The following KAT6B variants were observed in gnomAD, a reference collection of about 807,000 sequenced individuals.
KAT6B encodes histone acetyltransferase KAT6B.
KAT6B carries 10 observed loss-of-function variants against 187.5 expected under a neutral mutation model. That is an observed-to-expected ratio of 0.05 (90% confidence interval 0.03 to 0.09). The LOEUF (loss-of-function observed/expected upper bound fraction) is 0.09, where lower values mean the gene tolerates loss of function less well. Among genes scored for constraint, KAT6B ranks in the 10% least tolerant of loss-of-function variants. The pLI, the probability that KAT6B is intolerant of heterozygous loss-of-function variation, is 1.00. For missense variants in KAT6B, 1,952 were observed against 2,558.9 expected, an observed-to-expected ratio of 0.76 and a Z score of 5.12; for synonymous variants, 861 against 926.8, an observed-to-expected ratio of 0.93 and a Z score of 1.29.
chr10:75,025,056 T>A lies in KAT6B; in HGVS notation c.3471T>A (p.Asn1157Lys). 1.2e-6 allele frequency: 2 copies of A among 1,614,220 alleles called. No individual in the cohort carries two copies. Among genetic ancestry groups the A allele is most frequent in the Non-Finnish European group, 1.7e-6 (2 of 1,180,042 alleles). ...TTTCAGAGACGACAGAAGTACTGAATGAGCCCTTTGACAACTCAGATGAAG... is the reference window on the plus strand; with the variant it reads ...TTTCAGAGACGACAGAAGTACTGAAAGAGCCCTTTGACAACTCAGATGAAG... ...ETISETTEVL[N>K]EPFDNSDEER... is the part of the protein sequence containing the mutation. The change falls in exon 17 of 18, where the codon AAT (asparagine) becomes AAA (lysine). Residue 1157 changes from asparagine (N) to lysine (K), a missense_variant. Around this residue, in one of 9 missense-constraint regions of KAT6B, gnomAD observed 758 missense variants for 891.4 expected, o/e 0.85. Coordinates refer to ENST00000287239, the MANE Select transcript of KAT6B (RefSeq NM_012330.4).
At chr10:74,885,834 C>T (rs183160964) in intron 3 of KAT6B, among the ~76,000 whole-genome samples, 179 of 151,536 alleles carry the variant, frequency 1.2e-3, no homozygotes, top group African/African-American at 3.6e-3. Flanking sequence ...CAGGTTCAAG[C>T]GATTCTACTG....
chr10:75,017,621 A>G (rs1589815998), intron 13 of KAT6B, among the ~76,000 whole-genome samples: 6 of 152,316 alleles, frequency 3.9e-5, no homozygotes, highest in Admixed American at 3.3e-4. Flanking sequence ...CTCAAAAAAA[A>G]AAAGTACAAA....
Position 74,959,103 on chromosome 10 carries a change from T to G in KAT6B, c.622-867T>G, listed in dbSNP as rs550950926. On this transcript the variant is annotated intron_variant, in intron 3 of 17. Coordinates refer to ENST00000287239, the MANE Select transcript of KAT6B (RefSeq NM_012330.4). ...AATGTCAGAGATTCAAGGTTTATCTTTTTTGTTTGGTATGGTGTGGTTTAC... is the reference window on the plus strand; with the variant it reads ...AATGTCAGAGATTCAAGGTTTATCTGTTTTGTTTGGTATGGTGTGGTTTAC... Among the ~76,000 whole-genome samples the G allele has an allele frequency of 2.0e-5, 3 of 152,064 alleles. No homozygotes were observed. The South Asian group carries it at 6.2e-4, about 32-fold the overall frequency.
chr10:74,825,713 C>T, upstream of KAT6B: 1 of 153,310 alleles, frequency 6.5e-6, no homozygotes, highest in Non-Finnish European at 1.5e-5. The surrounding 1 kb of genome is among the most constrained non-coding windows in gnomAD (Gnocchi z 5.0). Flanking sequence ...CAGCGGCGAG[C>T]GGTGCACGTG....
intron 3 of KAT6B, among the ~76,000 whole-genome samples, chr10:74,879,491 A>G (rs746580687): frequency 6.6e-6 from 1 of 152,178 alleles, no homozygotes; most frequent in African/African-American, 2.4e-5. Context: ...TCAGGGGAGG[A>G]TACTGGAAGA....
rs201593647 is a variant in KAT6B at position 74,866,027 on chromosome 10, T to C, written c.621+22549T>C. ...ACATACAGAGGGCTGATTTTTTGTCTCTGTGGGTTCTTCAGGGCCAGCTGC... is the reference window on the plus strand; with the variant it reads ...ACATACAGAGGGCTGATTTTTTGTCCCTGTGGGTTCTTCAGGGCCAGCTGC... On this transcript the variant is annotated intron_variant, in intron 3 of 17. Coordinates refer to ENST00000287239, the MANE Select transcript of KAT6B (RefSeq NM_012330.4). Among the ~76,000 whole-genome samples the C allele has an allele frequency of 5.3e-5, 8 of 152,152 alleles. No individual in the cohort carries two copies. In the East Asian group the frequency reaches 1.5e-3, roughly 29 times the overall value.
At chr10:74,865,991 G>A (rs1447941980) in intron 3 of KAT6B, among the ~76,000 whole-genome samples, 1 of 152,048 alleles carries the variant, frequency 6.6e-6, no homozygotes, top group Non-Finnish European at 1.5e-5. Flanking sequence ...ATTCATGGAT[G>A]CAAAATGCAC....
At chr10:74,992,366 A>T (rs139498255) in intron 13 of KAT6B, among the ~76,000 whole-genome samples, 1 of 152,240 alleles carries the variant, frequency 6.6e-6, no homozygotes, top group Non-Finnish European at 1.5e-5. Context: ...TGAAAATATC[A>T]TAAATTAAAA....
intron 1 of KAT6B, among the ~76,000 whole-genome samples, chr10:74,835,475 A>G (rs182085390): frequency 2.4e-4 from 36 of 152,336 alleles, no homozygotes; most frequent in Middle Eastern, 3.4e-3. Context: ...AGGTGCTGCA[A>G]TGGCCCAAAG....
At chr10:74,838,338 A>G (rs1309239428) in intron 1 of KAT6B, among the ~76,000 whole-genome samples, 1 of 152,092 alleles carries the variant, frequency 6.6e-6, no homozygotes, top group Non-Finnish European at 1.5e-5. Flanking sequence ...CTGTTTGGCT[A>G]TTTGAGTAGT....
chr10:75,014,796 G>C (rs991183147), intron 13 of KAT6B, among the ~76,000 whole-genome samples: 6 of 152,158 alleles, frequency 3.9e-5, no homozygotes, highest in Non-Finnish European at 8.8e-5. Flanking sequence ...TGCACGAAGC[G>C]ATTTGGCAAC....
chr10:74,830,731 CAT>C (rs1198969374), intron 1 of KAT6B, among the ~76,000 whole-genome samples: 375 of 17,204 alleles, frequency 0.022, 6 homozygotes, highest in Non-Finnish European at 0.025. Flanking sequence ...CACAGCTCTT[CAT>C]ATATATATAT....
At chr10:74,980,326 A>G (rs1842428789) in intron 10 of KAT6B, among the ~76,000 whole-genome samples, 1 of 152,232 alleles carries the variant, frequency 6.6e-6, no homozygotes, top group South Asian at 2.1e-4. Context: ...AAAATTTTTT[A>G]GTCTGCAAAG....
At chr10:75,019,737 C>T (rs1252307736) in intron 13 of KAT6B, among the ~76,000 whole-genome samples, 1 of 150,720 alleles carries the variant, frequency 6.6e-6, no homozygotes, top group Non-Finnish European at 1.5e-5. Context: ...CATTCATTAC[C>T]TTCAAGTGGA....
In KAT6B at chr10:74,981,637, G is replaced by A. The variant is rs970780691; in HGVS notation, c.2232-150G>A. ...GATCTGCCTGCCTTAGCCTCCCAAA[G>A]TGCTGGAATTACAGGTGTGAGCCAC... On this transcript the variant is annotated intron_variant, in intron 10 of 17. Coordinates refer to ENST00000287239, the MANE Select transcript of KAT6B (RefSeq NM_012330.4). The A allele has an allele frequency of 7.1e-5, 45 of 631,424 alleles. 1 individual carries two copies. The highest frequency in any genetic ancestry group is 2.5e-4 in the Admixed American group (11 of 44,090). 39.1% of individuals were successfully genotyped at this position (631,424 alleles called of 1,614,324 possible).
chr10:74,827,754 CTG>C (rs1840377422), intron 1 of KAT6B, among the ~76,000 whole-genome samples: 1 of 151,954 alleles, frequency 6.6e-6, no homozygotes, highest in Non-Finnish European at 1.5e-5. Flanking sequence ...ATTTGGTGGA[CTG>C]TGCCAGGGGT....
intron 4 of KAT6B, among the ~76,000 whole-genome samples, chr10:74,962,280 G>A (rs1841151285): frequency 6.6e-6 from 1 of 152,110 alleles, no homozygotes; most frequent in Non-Finnish European, 1.5e-5. Flanking sequence ...GGGAGTTTGG[G>A]GGTTCTTGTG....
At chr10:74,989,165 C>T (rs1215165129) in intron 13 of KAT6B, 53 bp downstream of exon 13, 40 of 1,204,920 alleles carry the variant, frequency 3.3e-5, no homozygotes, top group Non-Finnish European at 4.8e-5. Context: ...ATGGCCGTTA[C>T]AGGAAACAGT....
intron 3 of KAT6B, among the ~76,000 whole-genome samples, chr10:74,956,634 C>T (rs980655498): frequency 3.3e-5 from 5 of 152,184 alleles, no homozygotes; most frequent in African/African-American, 9.7e-5. Flanking sequence ...TACAGCTCTA[C>T]ACCTGAACCT....
Sources: gnomAD v4.1 joint callset for allele counts (sites outside exome capture counted in the v4.1 genomes callset) on GRCh38, gnomAD v4.1.1 for gene constraint, gnomAD v4.1.1 regional missense constraint, Gnocchi (gnomAD v3.1) non-coding constraint, MANE v1.5 for transcripts, NCBI Gene and HGNC (gene_info 2026-07-23, HGNC 2026-07-21) for gene names.